TMC2: variants seen among roughly 807,000 people sequenced by gnomAD.
TMC2 encodes transmembrane channel like 2.
In TMC2, 102 loss-of-function variants were observed where a neutral mutation model predicts 105.9. That is an observed-to-expected ratio of 0.96 (90% CI 0.82 to 1.14). The LOEUF is 1.14. TMC2 is among the 50% of genes most tolerant of loss of function. The probability of loss-of-function intolerance (pLI) is 0.00; values close to 1 mark genes in which losing one functional copy is unlikely to be tolerated. For missense variants in TMC2, 1,093 were observed against 1,134.3 expected (o/e 0.96, Z 0.52); for synonymous variants, 402 against 422.8 (o/e 0.95, Z 0.60).
At chr20:2,605,780 A>G (rs2086386778) in intron 11 of TMC2, among the ~76,000 whole-genome samples, 1 of 152,202 alleles carries the variant, frequency 6.6e-6, no homozygotes, top group African/African-American at 2.4e-5. Flanking sequence ...TAAGGCATTC[A>G]AGGTATGGGT....
rs151026084 is a variant in TMC2 at position 2,552,704 on chromosome 20, C to T, written c.83-5752C>T. Among the ~76,000 whole-genome samples the T allele has an allele frequency of 2.5e-3, 373 of 152,070 alleles. 5 individuals carry two copies. Among genetic ancestry groups the T allele is most frequent in the Middle Eastern group, 0.014 (4 of 294 alleles). On this transcript the variant is annotated intron_variant, in intron 2 of 19. Coordinates refer to ENST00000358864, the MANE Select transcript of TMC2 (RefSeq NM_080751.3). ...CTAATTTTTGTATTTTTAGTAGAGA[C>T]GGGGTTTTACCATGTTGGCCAGGCT...
chr20:2,594,210 T>A (rs2086288019), intron 8 of TMC2, among the ~76,000 whole-genome samples: 1 of 151,294 alleles, frequency 6.6e-6, no homozygotes, highest in South Asian at 2.1e-4. Flanking sequence ...CCAACTATAC[T>A]GTTACTAAGG....
At chr20:2,603,549 A>G (rs2146225789) in intron 11 of TMC2, among the ~76,000 whole-genome samples, 1 of 152,386 alleles carries the variant, frequency 6.6e-6, no homozygotes, top group South Asian at 2.1e-4. Context: ...ACATCAGGAC[A>G]CAGAAAGGTT....
chr20:2,638,877 G>T (rs1017294516), intron 19 of TMC2, among the ~76,000 whole-genome samples: 1 of 152,080 alleles, frequency 6.6e-6, no homozygotes, highest in Admixed American at 6.6e-5. Context: ...AATAAGCTAA[G>T]GTTTATTATT....
At chr20:2,620,949 A>G (rs938227651) in intron 16 of TMC2, among the ~76,000 whole-genome samples, 1 of 152,146 alleles carries the variant, frequency 6.6e-6, no homozygotes, top group Middle Eastern at 3.2e-3. Context: ...CTTTTATCCT[A>G]TGCCTGTCCC....
At position 2,558,762 on chromosome 20, in the gene TMC2, A is replaced by T. The variant is rs1022016677; in HGVS notation, c.389A>T (p.Gln130Leu). ...AGGAGGGAGGAGAAGTCGAAGCGGCAGAAGAAACCCAGGTGTGTTGTGGCT... is the reference window on the plus strand; with the variant it reads ...AGGAGGGAGGAGAAGTCGAAGCGGCTGAAGAAACCCAGGTGTGTTGTGGCT... The part of the protein sequence containing the change: ...IPRREEKSKR[Q>L]KKPRSSSLAS... Residue 130 changes from glutamine (Q) to leucine (L), a missense_variant, in exon 3 of 20, where the codon CAG becomes CTG. Transcript: ENST00000358864. The surrounding 1 kb of genome is among the most constrained non-coding windows in gnomAD (Gnocchi z 4.6). 10 of 1,550,928 alleles carry T rather than the reference A, an allele frequency of 6.4e-6. No individual in the cohort carries two copies. The highest frequency in any genetic ancestry group is 8.7e-6 in the Non-Finnish European group (10 of 1,151,110).
intron 2 of TMC2, among the ~76,000 whole-genome samples, chr20:2,554,214 A>T (rs2085973223): frequency 6.6e-6 from 1 of 152,102 alleles, no homozygotes; most frequent in African/African-American, 2.4e-5. Context: ...AATGTCCTTG[A>T]GATAAATGGT....
At chr20:2,539,387 C>T (rs184043177) in intron 2 of TMC2, among the ~76,000 whole-genome samples, 31 of 152,214 alleles carry the variant, frequency 2.0e-4, no homozygotes, top group African/African-American at 7.2e-4. Context: ...GGAATTACAG[C>T]TCAGAAAAAA....
At chr20:2,606,692 C>T (rs2086394589) in intron 11 of TMC2, among the ~76,000 whole-genome samples, 2 of 151,710 alleles carry the variant, frequency 1.3e-5, no homozygotes, top group Non-Finnish European at 2.9e-5. Context: ...TCCTATTATA[C>T]CCGTGTTGAA....
At chr20:2,608,353 A>G (rs1478835431) in intron 11 of TMC2, among the ~76,000 whole-genome samples, 1 of 142,126 alleles carries the variant, frequency 7.0e-6, no homozygotes, top group African/African-American at 2.6e-5. Flanking sequence ...TTTGAGATGA[A>G]GTCTTGCTCT....
rs764627715 is a variant in TMC2 at position 2,558,702 on chromosome 20, G to T, written c.329G>T (p.Arg110Leu). The T allele has an allele frequency of 2.0e-5, 32 of 1,604,792 alleles. No homozygotes were observed. Among genetic ancestry groups the T allele is most frequent in the Non-Finnish European group, 1.3e-5 (15 of 1,175,662 alleles). ...KRDERASFQE[R>L]TAAPKREKEI... ...GACGAGAGGGCCTCCTTCCAGGAGCGGACAGCAGCCCCAAAGAGGGAAAAG... is the reference window on the plus strand; with the variant it reads ...GACGAGAGGGCCTCCTTCCAGGAGCTGACAGCAGCCCCAAAGAGGGAAAAG... The change falls in exon 3 of 20, where the codon CGG (arginine) becomes CTG (leucine). Residue 110 changes from arginine (R) to leucine (L), a missense_variant. Coordinates refer to ENST00000358864, the MANE Select transcript of TMC2 (RefSeq NM_080751.3). This position sits in a 1 kb window ranked among gnomAD's most constrained non-coding sequence, Gnocchi z 4.6.
In TMC2 at chr20:2,592,248, G is replaced by A; in HGVS notation, c.835-62G>A. 1 of 1,066,986 alleles carries A rather than the reference G, an allele frequency of 9.4e-7. No homozygotes were observed. The highest frequency in any genetic ancestry group is 1.3e-5 in the South Asian group (1 of 77,134). 66.1% of individuals were successfully genotyped at this position (1,066,986 alleles called of 1,614,324 possible). On this transcript the variant is annotated intron_variant, in intron 7 of 19. Transcript: ENST00000358864. This position sits in a 1 kb window ranked among gnomAD's most constrained non-coding sequence, Gnocchi z 4.9. ...AAGGAAAGCATTTACCCCAGTATAT[G>A]AATGTCTCTGTGTGTTTGTATTTCC...
At chr20:2,636,513 G>C (rs2086646283) in intron 18 of TMC2, among the ~76,000 whole-genome samples, 1 of 136,940 alleles carries the variant, frequency 7.3e-6, no homozygotes, top group South Asian at 2.3e-4. Context: ...CTAAAATTCA[G>C]ACCCTAACCC....
At chr20:2,574,493 C>T (rs1219301284) in intron 5 of TMC2, among the ~76,000 whole-genome samples, 1 of 152,136 alleles carries the variant, frequency 6.6e-6, no homozygotes, top group South Asian at 2.1e-4. Flanking sequence ...AAGATGATAA[C>T]CTTTCAATAG....
At chr20:2,568,107 C>G (rs949815421) in intron 4 of TMC2, among the ~76,000 whole-genome samples, 1 of 152,170 alleles carries the variant, frequency 6.6e-6, no homozygotes, top group African/African-American at 2.4e-5. Flanking sequence ...AAAACTGTCT[C>G]AGATTTGGCA....
chr20:2,616,100 TTTC>T lies in TMC2; in HGVS notation c.1873-35_1873-33del, dbSNP rs778458251. 277 of 1,562,426 alleles carry T rather than the reference TTTC, an allele frequency of 1.8e-4. No homozygotes were observed. Among genetic ancestry groups the T allele is most frequent in the East Asian group, 1.5e-3 (63 of 43,020 alleles). On this transcript the variant is annotated intron_variant, in intron 14 of 19. Transcript: ENST00000358864. The surrounding 1 kb of genome is among the most constrained non-coding windows in gnomAD (Gnocchi z 4.8). ...TGAATTCACCAAACGTGCTTTTTTTTTTCTCTCTCTCTCTCGCTCCCTCCCTCC... is the reference window on the plus strand; with the variant it reads ...TGAATTCACCAAACGTGCTTTTTTTTTCTCTCTCTCTCGCTCCCTCCCTCC...
At chr20:2,613,557 T>A (rs751567866) in intron 14 of TMC2, 2 of 492,480 alleles carry the variant, frequency 4.1e-6, no homozygotes. Context: ...TTCTAGGAAA[T>A]GGAGGCATTT....
intron 2 of TMC2, among the ~76,000 whole-genome samples, chr20:2,545,700 A>C (rs1419549610): frequency 1.3e-5 from 2 of 151,778 alleles, no homozygotes; most frequent in Non-Finnish European, 2.9e-5. Context: ...AGAAGGAAGA[A>C]GAAAGAAGAA....
At chr20:2,629,448 T>C (rs1383223001) in intron 17 of TMC2, among the ~76,000 whole-genome samples, 1 of 149,468 alleles carries the variant, frequency 6.7e-6, no homozygotes, top group Non-Finnish European at 1.5e-5. Flanking sequence ...CCAGGGAATG[T>C]AAGTCATTGT....
Sources: allele counts gnomAD v4.1 joint callset (sites outside exome capture counted in the v4.1 genomes callset), GRCh38; gene constraint gnomAD v4.1.1; non-coding constraint Gnocchi (gnomAD v3.1); transcripts MANE v1.5; gene names NCBI Gene and HGNC (gene_info 2026-07-23, HGNC 2026-07-21).